ARHGAP35: variants seen among roughly 807,000 people sequenced by gnomAD.
ARHGAP35 encodes the protein Rho GTPase activating protein 35.
A neutral mutation model predicts 111.1 loss-of-function variants in ARHGAP35; 15 were observed. The observed-to-expected ratio is 0.13, with a 90% CI of 0.09 to 0.21. The LOEUF is 0.21. ARHGAP35 is among the 10% of genes least tolerant of loss of function. The pLI is 1.00. For synonymous variants in ARHGAP35, 643 were observed against 710.3 expected, an observed-to-expected ratio of 0.91 and a Z score of 1.51; for missense variants, 1,262 against 1,873.0, an observed-to-expected ratio of 0.67 and a Z score of 6.02.
intron 1 of ARHGAP35, among the ~76,000 whole-genome samples, chr19:46,891,205 G>A (rs1214033298): frequency 6.6e-6 from 1 of 152,104 alleles, no homozygotes; most frequent in African/African-American, 2.4e-5. Context: ...ACATAGTAGA[G>A]CCCAATAAAT....
chr19:46,977,639 A>G (rs2056586691), intron 3 of ARHGAP35, among the ~76,000 whole-genome samples: 1 of 152,192 alleles, frequency 6.6e-6, no homozygotes, highest in South Asian at 2.1e-4. Flanking sequence ...ACCAGCATTA[A>G]GCAGCTAATC....
At chr19:46,957,693 T>C (rs963575013) in intron 3 of ARHGAP35, among the ~76,000 whole-genome samples, 1 of 152,200 alleles carries the variant, frequency 6.6e-6, no homozygotes, top group African/African-American at 2.4e-5. Flanking sequence ...ATTTGTGAGA[T>C]TGGGCACAGT....
At chr19:46,962,425 G>A (rs939417466) in intron 3 of ARHGAP35, among the ~76,000 whole-genome samples, 5 of 152,176 alleles carry the variant, frequency 3.3e-5, no homozygotes, top group African/African-American at 9.7e-5. Context: ...GGCCCCTGAA[G>A]AATAATGGAG....
Position 47,002,387 on chromosome 19 carries a change from G to T in ARHGAP35, c.*1699G>T, listed in dbSNP as rs1219716923. The T allele has an allele frequency of 2.0e-5, 3 of 152,610 alleles. No individual in the cohort carries two copies. The highest frequency in any genetic ancestry group is 1.3e-4 in the Admixed American group (2 of 15,290). The allele number at this position is 152,610 out of a possible 1,614,324, so 9.5% of individuals were successfully genotyped here. A position where few individuals can be genotyped will look rare whatever the true frequency, so the allele number is the denominator to read the frequency against. On this transcript the variant is annotated 3_prime_UTR_variant, in exon 7 of 7. Transcript: ENST00000672722. The stretch of plus-strand genomic sequence containing the variant: ...CTCCAGTTCTCAATGGCCAACGAAG[G>T]TGCTTGGAAACACCTAACCTTGCAA...
At position 46,901,742 on chromosome 19, in the gene ARHGAP35, T is replaced by G. The variant is rs751914403; in HGVS notation, c.-188-16746T>G. Among the ~76,000 whole-genome samples, 1 of 152,206 alleles carries G rather than the reference T, an allele frequency of 6.6e-6. No homozygotes were observed. The highest frequency in any genetic ancestry group is 1.5e-5 in the Non-Finnish European group (1 of 68,038). On this transcript the variant is annotated intron_variant, in intron 1 of 6. Coordinates refer to ENST00000672722, the MANE Select transcript of ARHGAP35 (RefSeq NM_004491.5). The surrounding 1 kb of genome is among the most constrained non-coding windows in gnomAD (Gnocchi z 4.5). ...GCCCATTCCAAGGGTAGGCATTGAT[T>G]GTTATCATTCTGATTATACTTGCAT...
intron 1 of ARHGAP35, among the ~76,000 whole-genome samples, chr19:46,886,792 T>C (rs1440586576): frequency 2.0e-5 from 3 of 152,106 alleles, no homozygotes; most frequent in Non-Finnish European, 4.4e-5. Context: ...TTAGTGAAAA[T>C]GTGGGAAAGA....
At chr19:46,865,694 G>C (rs1038027272) in intron 1 of ARHGAP35, among the ~76,000 whole-genome samples, 3 of 152,192 alleles carry the variant, frequency 2.0e-5, no homozygotes, top group Admixed American at 6.5e-5. Context: ...GTGGTTGTTC[G>C]TCTCCATCTA....
chr19:46,877,981 T>TA (rs2055935080), intron 1 of ARHGAP35, among the ~76,000 whole-genome samples: 1 of 152,124 alleles, frequency 6.6e-6, no homozygotes, highest in African/African-American at 2.4e-5. Flanking sequence ...GTACTGGAAT[T>TA]ACAGGCATTA....
At chr19:46,925,469 G>C (rs2056232727) in intron 2 of ARHGAP35, among the ~76,000 whole-genome samples, 1 of 152,164 alleles carries the variant, frequency 6.6e-6, no homozygotes, top group African/African-American at 2.4e-5. Flanking sequence ...TTGGAGGGAG[G>C]GGGCAGCTAG....
chr19:46,877,513 A>G (rs957996256), intron 1 of ARHGAP35, among the ~76,000 whole-genome samples: 1 of 151,940 alleles, frequency 6.6e-6, no homozygotes, highest in African/African-American at 2.4e-5. Context: ...GCAGTGAGCC[A>G]TGATCACACC....
At chr19:46,898,954 A>G (rs2056070738) in intron 1 of ARHGAP35, among the ~76,000 whole-genome samples, 1 of 152,230 alleles carries the variant, frequency 6.6e-6, no homozygotes, top group South Asian at 2.1e-4. Context: ...AAGACAGAGC[A>G]GTAACAGGAA....
intron 3 of ARHGAP35, among the ~76,000 whole-genome samples, chr19:46,949,571 C>T (rs2056400493): frequency 6.6e-6 from 1 of 152,170 alleles, no homozygotes; most frequent in Non-Finnish European, 1.5e-5. Context: ...TGTGACTTCT[C>T]CATTTGTACC....
chr19:46,946,494 G>A (rs2056380271), intron 3 of ARHGAP35: 1 of 152,188 alleles, frequency 6.6e-6, no homozygotes, highest in South Asian at 2.1e-4. Flanking sequence ...GCACCTACCT[G>A]TCATAGTAAT....
chr19:46,897,304 G>A (rs1234878553), intron 1 of ARHGAP35, among the ~76,000 whole-genome samples: 1 of 152,000 alleles, frequency 6.6e-6, no homozygotes, highest in African/African-American at 2.4e-5. Context: ...TGCACTTATT[G>A]GGGTGCACTT....
At chr19:46,932,010 G>A (rs564091416) in intron 2 of ARHGAP35, among the ~76,000 whole-genome samples, 1 of 152,288 alleles carries the variant, frequency 6.6e-6, no homozygotes, top group South Asian at 2.1e-4. Flanking sequence ...GGCCGGGCAC[G>A]GTGGCTCACA....
Position 46,918,609 on chromosome 19 carries a change from C to T in ARHGAP35, c.-67C>T. 6.7e-7 allele frequency: 1 copy of T among 1,488,060 alleles called. No individual in the cohort carries two copies. Among genetic ancestry groups the T allele is most frequent in the South Asian group, 1.3e-5 (1 of 78,706 alleles). 92.2% of individuals were successfully genotyped at this position (1,488,060 alleles called of 1,614,324 possible). ...CCACCCCCACTAATAATGTAGGAAG[C>T]TGTCTGGTCCATTGGAAACACTAAT... is the stretch of plus-strand genomic sequence containing the variant. On this transcript the variant is annotated 5_prime_UTR_variant, in exon 2 of 7. Transcript: ENST00000672722. The surrounding 1 kb of genome is among the most constrained non-coding windows in gnomAD (Gnocchi z 5.4).
At chr19:46,939,692 C>T (rs946461070) in intron 3 of ARHGAP35, among the ~76,000 whole-genome samples, 1 of 152,036 alleles carries the variant, frequency 6.6e-6, no homozygotes, top group African/African-American at 2.4e-5. Context: ...GGATTACAGG[C>T]GTGAGCCACC....
intron 1 of ARHGAP35, among the ~76,000 whole-genome samples, chr19:46,890,647 T>A (rs184799176): frequency 1.3e-5 from 2 of 152,366 alleles, no homozygotes; most frequent in African/African-American, 2.4e-5. Context: ...CATTAGCTCA[T>A]TGATGGGTTG....
intron 5 of ARHGAP35, among the ~76,000 whole-genome samples, chr19:46,996,016 G>A (rs1275348135): frequency 5.3e-5 from 8 of 152,220 alleles, no homozygotes; most frequent in African/African-American, 1.7e-4. Flanking sequence ...GGGAGCAGGC[G>A]AGGAGACTGG....
Sources: allele counts gnomAD v4.1 joint callset (sites outside exome capture counted in the v4.1 genomes callset), GRCh38; gene constraint gnomAD v4.1.1; non-coding constraint Gnocchi (gnomAD v3.1); transcripts MANE v1.5; gene names NCBI Gene and HGNC (gene_info 2026-07-23, HGNC 2026-07-21).